The following ORC2 variants were observed in gnomAD, a reference collection of about 807,000 sequenced individuals.
The protein encoded by ORC2 is origin recognition complex subunit 2, also known as origin recognition complex protein 2 homolog.
A neutral mutation model predicts 77.7 loss-of-function variants in ORC2; 37 were observed. The ratio of observed to expected loss-of-function variants is 0.48; its 90% CI spans 0.37 to 0.63. The LOEUF is 0.63. Among genes scored for constraint, ORC2 ranks in the 20% least tolerant of loss-of-function variants. ORC2 has a pLI of 0.00. For missense variants in ORC2, 557 were observed against 661.9 expected (o/e 0.84, Z 1.74); for synonymous variants, 201 against 229.5 (o/e 0.88, Z 1.12).
At chr2:200,924,528 T>C (rs1049923990) in intron 13 of ORC2, among the ~76,000 whole-genome samples, 1 of 152,102 alleles carries the variant, frequency 6.6e-6, no homozygotes, top group African/African-American at 2.4e-5. Context: ...ATTATTGTCA[T>C]TATCAAAAAA....
Position 200,913,974 on chromosome 2 carries a change from T to C in ORC2, c.1485A>G (p.Leu495=), listed in dbSNP as rs765339913. 6.3e-7 allele frequency: 1 copy of C among 1,582,428 alleles called. No individual in the cohort carries two copies. The highest frequency in any genetic ancestry group is 8.6e-7 in the Non-Finnish European group (1 of 1,168,186). Reference sequence around the variant, plus strand: ...CCTGGTTGTCCAGCTGGTATTTTATTAGTAGCCTGAAAATTCCCCTAAAAA... The same window carrying C: ...CCTGGTTGTCCAGCTGGTATTTTATCAGTAGCCTGAAAATTCCCCTAAAAA... ...TPNARGIFRL[L]IKYQLDNQDN... is the part of the protein sequence containing the mutation. Residue 495 remains leucine, a synonymous_variant, in exon 16 of 18, where the codon CTA becomes CTG. Coordinates refer to ENST00000234296, the MANE Select transcript of ORC2 (RefSeq NM_006190.5).
intron 6 of ORC2, among the ~76,000 whole-genome samples, chr2:200,942,379 C>T (rs1361722762): frequency 6.6e-6 from 1 of 152,082 alleles, no homozygotes; most frequent in Non-Finnish European, 1.5e-5. Context: ...ATAGTATTTC[C>T]CAAAGCCAAA....
intron 1 of ORC2, 98 bp from the exon 2 acceptor site, chr2:200,959,538 T>C (rs762889319): frequency 3.9e-5 from 6 of 152,160 alleles, no homozygotes; most frequent in Non-Finnish European, 8.8e-5. Context: ...GCATGATGAA[T>C]AGATACATGT....
At position 200,947,334 on chromosome 2, in the gene ORC2, T is replaced by C. The variant is rs544848008; in HGVS notation, c.328+2220A>G. Among the ~76,000 whole-genome samples the C allele has an allele frequency of 3.9e-5, 6 of 152,370 alleles. 1 individual carries two copies. Among genetic ancestry groups the C allele is most frequent in the South Asian group, 4.1e-4 (2 of 4,832 alleles). On this transcript the variant is annotated intron_variant, in intron 5 of 17. Coordinates refer to ENST00000234296, the MANE Select transcript of ORC2 (RefSeq NM_006190.5). ...GTTACACATTTTAGAAAAACTAAACTGATTTTGGCAACTGATTAACTTATA... is the reference window on the plus strand; with the variant it reads ...GTTACACATTTTAGAAAAACTAAACCGATTTTGGCAACTGATTAACTTATA...
intron 7 of ORC2, among the ~76,000 whole-genome samples, chr2:200,938,328 C>A (rs1443346245): frequency 2.6e-5 from 4 of 152,146 alleles, no homozygotes; most frequent in Non-Finnish European, 5.9e-5. Context: ...CAGCGCCCGG[C>A]CCAATGGAGT....
intron 5 of ORC2, among the ~76,000 whole-genome samples, chr2:200,949,185 G>C (rs183822687): frequency 6.6e-6 from 1 of 151,396 alleles, no homozygotes; most frequent in Non-Finnish European, 1.5e-5. Context: ...AGGTTGCAGT[G>C]AGCCGAGATT....
intron 7 of ORC2, among the ~76,000 whole-genome samples, chr2:200,938,810 C>A (rs1040605943): frequency 2.6e-5 from 4 of 152,088 alleles, no homozygotes; most frequent in Non-Finnish European, 5.9e-5. Flanking sequence ...GAGGCCAAGG[C>A]GGGCAGATCA....
In ORC2 at chr2:200,957,405, A is replaced by T; in HGVS notation, c.234T>A (p.Val78=). 6.3e-7 allele frequency: 1 copy of T among 1,590,266 alleles called. No homozygotes were observed. The highest frequency in any genetic ancestry group is 8.6e-7 in the Non-Finnish European group (1 of 1,169,492). ...ATATTTCACCCCCTCAAATACCTTG[A>T]ACATCTCTTCCCATAATTTCCACAT... ...QNYVEIMGRD[V]QESLKNGSAT... The change falls in exon 4 of 18, where the codon GTT becomes GTA. Residue 78 remains valine, a synonymous_variant. Coordinates refer to ENST00000234296, the MANE Select transcript of ORC2 (RefSeq NM_006190.5).
At chr2:200,961,977 G>T (rs961131177) in intron 1 of ORC2, among the ~76,000 whole-genome samples, 1 of 152,174 alleles carries the variant, frequency 6.6e-6, no homozygotes, top group Non-Finnish European at 1.5e-5. Flanking sequence ...ATTGTCCTAG[G>T]CAATTTCCCT....
Position 200,935,749 on chromosome 2 carries a change from C to T in ORC2, c.658G>A (p.Ala220Thr), listed in dbSNP as rs1285370005. 26 of 1,613,504 alleles carry T rather than the reference C, an allele frequency of 1.6e-5. No individual in the cohort carries two copies. Among genetic ancestry groups the T allele is most frequent in the Non-Finnish European group, 2.2e-5 (26 of 1,179,846 alleles). The change falls in exon 9 of 18, where the codon GCT becomes ACT. Residue 220 changes from alanine to threonine, a missense_variant. Ala to Thr is a moderately conservative substitution (Grantham distance 58, BLOSUM62 0). Transcript: ENST00000234296. ...GAAGGTGTTTCTTTGCCAACAGGAG[C>T]TGAAACTACTCTATTCTGAGCTTGA... The part of the protein sequence containing the change: ...KIQAQNRVVS[A>T]PVGKETPSKR...
chr2:200,926,644 A>G, intron 12 of ORC2, 124 bp downstream of exon 12: 1 of 823,666 alleles, frequency 1.2e-6, no homozygotes, highest in African/African-American at 1.7e-5. Flanking sequence ...GGTATTAAGC[A>G]CTATACAATC....
rs780546358 is a variant in ORC2 at position 200,918,493 on chromosome 2, CT to C, written c.1466+1728del. 2.3e-3 allele frequency among the ~76,000 whole-genome samples: 331 copies of C among 144,074 alleles called. 1 individual carries two copies. Among genetic ancestry groups the C allele is most frequent in the South Asian group, 0.011 (50 of 4,586 alleles). The allele number at this position is 144,074 out of a possible 152,430, so 94.5% of individuals were successfully genotyped here. ...CCTCTTTTTTTCTTTTTTCTTCTTT[CT>C]TTTTTTTTTTTTGAGACAGAGGCTC... On this transcript the variant is annotated intron_variant, in intron 15 of 17. Coordinates refer to ENST00000234296, the MANE Select transcript of ORC2 (RefSeq NM_006190.5).
At chr2:200,942,813 G>A in intron 5 of ORC2, 36 bp from the exon 6 acceptor site, 1 of 1,259,512 alleles carries the variant, frequency 7.9e-7, no homozygotes, top group South Asian at 1.3e-5. Flanking sequence ...CCTTTTAAAG[G>A]ACAACAGTAG....
chr2:200,949,215 TGG>T (rs1220113653), intron 5 of ORC2, among the ~76,000 whole-genome samples: 1 of 151,074 alleles, frequency 6.6e-6, no homozygotes, highest in East Asian at 2.0e-4. Context: ...CACTCCAGCT[TGG>T]GCAACAGAGT....
In ORC2 at chr2:200,935,762, A is replaced by G. The variant is rs2041031228; in HGVS notation, c.645T>C (p.Asn215=). ...VIFSQKIQAQ[N]RVVSAPVGKE... ...TGCCAACAGGAGCTGAAACTACTCT[A>G]TTCTGAGCTTGAATCTTTTGGCTGA... is the stretch of plus-strand genomic sequence containing the variant. Residue 215 remains asparagine (N), a synonymous_variant, in exon 9 of 18, where the codon AAT becomes AAC. Coordinates refer to ENST00000234296, the MANE Select transcript of ORC2 (RefSeq NM_006190.5). 6.2e-7 allele frequency: 1 copy of G among 1,613,988 alleles called. No individual in the cohort carries two copies. The highest frequency in any genetic ancestry group is 8.5e-7 in the Non-Finnish European group (1 of 1,180,012).
rs527779203 is a variant in ORC2, at chr2:200,947,627, C to T, written c.328+1927G>A. On this transcript the variant is annotated intron_variant, in intron 5 of 17. Transcript: ENST00000234296. Reference sequence around the variant, plus strand: ...TATTTCCAAACTTTGTATTTATATACCTTTATAATTTTCAAAGTGCTTTCA... The same window carrying T: ...TATTTCCAAACTTTGTATTTATATATCTTTATAATTTTCAAAGTGCTTTCA... 2.0e-5 allele frequency among the ~76,000 whole-genome samples: 3 copies of T among 152,272 alleles called. No individual in the cohort carries two copies. The East Asian group carries it at 5.8e-4, about 29-fold the overall frequency.
chr2:200,925,798 C>G lies in ORC2; in HGVS notation c.1147+38G>C, dbSNP rs747568774. 3.3e-6 allele frequency: 3 copies of G among 915,132 alleles called. No individual in the cohort carries two copies. The East Asian group carries it at 7.5e-5, about 23-fold the overall frequency. The allele number at this position is 915,132 out of a possible 1,614,324, so 56.7% of individuals were successfully genotyped here. A position where few individuals can be genotyped will look rare whatever the true frequency, so the allele number is the denominator to read the frequency against. On this transcript the variant is annotated intron_variant, in intron 13 of 17. Coordinates refer to ENST00000234296, the MANE Select transcript of ORC2 (RefSeq NM_006190.5). ...TGAATAAGTAGAAGTATATGCTTAA[C>G]TTTACTCTAAAACTACCGAGCATCT...
In ORC2 at chr2:200,928,509, A is replaced by G. The variant is rs551206259; in HGVS notation, c.918-1609T>C. ...CAGATGACTGGAGGCAAGGGAGACC[A>G]TTGCCAATAAAAGCCCTAAAAAGGC... is the stretch of plus-strand genomic sequence containing the variant. On this transcript the variant is annotated intron_variant, in intron 11 of 17. Coordinates refer to ENST00000234296, the MANE Select transcript of ORC2 (RefSeq NM_006190.5). Among the ~76,000 whole-genome samples, 9 of 151,492 alleles carry G rather than the reference A, an allele frequency of 5.9e-5. No individual in the cohort carries two copies. The South Asian group carries it at 1.3e-3, about 21-fold the overall frequency.
At chr2:200,938,033 G>T in intron 7 of ORC2, 67 bp from the exon 8 acceptor site, 2 of 1,192,954 alleles carry the variant, frequency 1.7e-6, no homozygotes, top group Non-Finnish European at 2.4e-6. Context: ...AGTGAAAGAG[G>T]CTAGAAAAAA....
Sources: gnomAD v4.1 joint callset for allele counts (sites outside exome capture counted in the v4.1 genomes callset) on GRCh38, gnomAD v4.1.1 for gene constraint, MANE v1.5 for transcripts, NCBI Gene and HGNC (gene_info 2026-07-23, HGNC 2026-07-21) for gene names.